Variants in P2RX4 observed in about 807,000 individuals in gnomAD.
The protein encoded by P2RX4 is purinergic receptor P2X 4, also known as P2X purinoceptor 4.
P2RX4 carries 37 observed loss-of-function variants against 48.0 expected under a neutral mutation model. The observed-to-expected ratio is 0.77, with a 90% CI of 0.59 to 1.01. The LOEUF (loss-of-function observed/expected upper bound fraction) is 1.01. Among genes scored for constraint, P2RX4 ranks in the 50% least tolerant of loss-of-function variants. The probability of loss-of-function intolerance (pLI) is 0.00; values close to 1 mark genes in which losing one functional copy is unlikely to be tolerated. For missense variants in P2RX4, 501 were observed against 521.4 expected (o/e 0.96, Z 0.38); for synonymous variants, 200 against 199.7 (o/e 1.00, Z -0.01).
intron 1 of P2RX4, chr12:121,213,761 A>AT (rs1263565690): frequency 1.3e-5 from 2 of 152,242 alleles, no homozygotes; most frequent in South Asian, 2.1e-4. Context: ...TGAGGTTTCC[A>AT]TGTTGCCCAG....
rs11615910 is a variant in P2RX4 at position 121,232,229 on chromosome 12, C to T, written c.885-185C>T. The T allele has an allele frequency of 2.2e-3, 1,361 of 606,022 alleles. 2 individuals are homozygous for T. The highest frequency in any genetic ancestry group is 3.9e-3 in the Middle Eastern group (9 of 2,290). The allele number at this position is 606,022 out of a possible 1,614,324, so 37.5% of individuals were successfully genotyped here. A position where few individuals can be genotyped will look rare whatever the true frequency, so the allele number is the denominator to read the frequency against. On this transcript the variant is annotated intron_variant, in intron 8 of 11. Transcript: ENST00000337233. This position sits in a 1 kb window ranked among gnomAD's most constrained non-coding sequence, Gnocchi z 4.3. ...GAGGTCTCCCTGTGCCCCTGTACCT[C>T]GTGGGCCCCGCATCCTCCTGCTTGC...
At chr12:121,212,389 ACACAAGACCAGCCTG>A in intron 1 of P2RX4, among the ~76,000 whole-genome samples, 1 of 64,762 alleles carries the variant, frequency 1.5e-5, no homozygotes, top group Non-Finnish European at 3.2e-5. Context: ...ACCAGCCTGG[ACACAAGACCAGCCTG>A]GACAACATAG....
At position 121,233,694 on chromosome 12, in the gene P2RX4, C is replaced by T; in HGVS notation, c.*145C>T. On this transcript the variant is annotated 3_prime_UTR_variant, in exon 12 of 12. Coordinates refer to ENST00000337233, the MANE Select transcript of P2RX4 (RefSeq NM_002560.3). The stretch of plus-strand genomic sequence containing the variant: ...ACAAGCACTCAGGGTTCCCCAGCAG[C>T]TCCTGTGTGTTGTGTGCAGGATCTG... 2.6e-6 allele frequency: 4 copies of T among 1,524,348 alleles called. No homozygotes were observed. The highest frequency in any genetic ancestry group is 4.9e-5 in the East Asian group (2 of 40,654). The allele number at this position is 1,524,348 out of a possible 1,614,324, so 94.4% of individuals were successfully genotyped here. A position where few individuals can be genotyped will look rare whatever the true frequency, so the allele number is the denominator to read the frequency against.
intron 1 of P2RX4, 65 bp downstream of exon 1, chr12:121,210,363 T>C: frequency 2.9e-6 from 4 of 1,385,034 alleles, no homozygotes; most frequent in Non-Finnish European, 2.8e-6. Context: ...GTGCGGCGGC[T>C]CATCCTGGCC....
rs1887185312 is a variant in P2RX4, at chr12:121,229,095, T to C, written c.880T>C (p.Phe294Leu). Residue 294 changes from phenylalanine (F) to leucine (L), a missense_variant, in exon 8 of 12, where the codon TTC becomes CTC. Around this residue, in one of 3 missense-constraint regions of P2RX4, gnomAD observed 197 missense variants for 219.5 expected, o/e 0.90. Transcript: ENST00000337233. This position sits in a 1 kb window ranked among gnomAD's most constrained non-coding sequence, Gnocchi z 4.6. ...GCACAACGTATCTCCTGGCTACAAT[T>C]TCAGGTGGGCGTGAGCTTGGGCCCC... ...VEHNVSPGYN[F>L]RFAKYYRDLA... 1 of 1,613,998 alleles carries C rather than the reference T, an allele frequency of 6.2e-7. No homozygotes were observed. Among genetic ancestry groups the C allele is most frequent in the Middle Eastern group, 1.6e-4 (1 of 6,062 alleles).
rs745699634 is a variant in P2RX4, at chr12:121,229,720, C to A, written c.884+621C>A. Among the ~76,000 whole-genome samples the A allele has an allele frequency of 6.6e-6, 1 of 152,142 alleles. No individual in the cohort carries two copies. Among genetic ancestry groups the A allele is most frequent in the East Asian group, 1.9e-4 (1 of 5,202 alleles). ...ATCCAGGCATCAGCAGGGCTGTGCT[C>A]GCTCTGAAGGCTCTGGAGAGAGTCC... On this transcript the variant is annotated intron_variant, in intron 8 of 11. Coordinates refer to ENST00000337233, the MANE Select transcript of P2RX4 (RefSeq NM_002560.3). The surrounding 1 kb of genome is among the most constrained non-coding windows in gnomAD (Gnocchi z 4.6).
intron 11 of P2RX4, 89 bp from the exon 12 acceptor site, chr12:121,233,434 T>A: frequency 7.1e-7 from 1 of 1,415,496 alleles, no homozygotes; most frequent in East Asian, 2.4e-5. Flanking sequence ...TGAGAACCCC[T>A]GGCGGTGAAG....
chr12:121,211,388 G>C (rs1328982834), intron 1 of P2RX4, among the ~76,000 whole-genome samples: 1 of 152,028 alleles, frequency 6.6e-6, no homozygotes, highest in African/African-American at 2.4e-5. Context: ...TTTTTTAGTA[G>C]AGACGGGGTT....
At chr12:121,233,209 G>A in intron 11 of P2RX4, 117 bp downstream of exon 11, 1 of 739,900 alleles carries the variant, frequency 1.4e-6, no homozygotes. Context: ...GTGTGGCGTG[G>A]TGTCCCCGTT....
At chr12:121,215,189 C>T (rs1886144859) in intron 1 of P2RX4, 1 of 152,168 alleles carries the variant, frequency 6.6e-6, no homozygotes, top group Admixed American at 6.6e-5. Flanking sequence ...TCCACGGTGT[C>T]AGTACTTGCT....
intron 1 of P2RX4, chr12:121,215,328 A>G (rs1466257134): frequency 2.6e-5 from 4 of 152,144 alleles, no homozygotes; most frequent in Admixed American, 6.6e-5. Flanking sequence ...CTGAGGCACA[A>G]TGAGGTTAAG....
At chr12:121,223,967 C>G (rs1886818952) in intron 5 of P2RX4, among the ~76,000 whole-genome samples, 1 of 152,214 alleles carries the variant, frequency 6.6e-6, no homozygotes, top group South Asian at 2.1e-4. Flanking sequence ...CTCGCAGGAC[C>G]CACAGCATAG....
chr12:121,232,752 GC>G lies in P2RX4; in HGVS notation c.1044+79del. On this transcript the variant is annotated intron_variant, in intron 10 of 11. Coordinates refer to ENST00000337233, the MANE Select transcript of P2RX4 (RefSeq NM_002560.3). The surrounding 1 kb of genome is among the most constrained non-coding windows in gnomAD (Gnocchi z 4.3). ...GCTGGGGTCCTGGTCCTGGCCCTAG[GC>G]CCTAGACCTCAGATGTGTTTCTAAA... The G allele has an allele frequency of 8.1e-7, 1 of 1,241,836 alleles. No individual in the cohort carries two copies. The highest frequency in any genetic ancestry group is 1.2e-5 in the South Asian group (1 of 83,610). The allele number at this position is 1,241,836 out of a possible 1,614,324, so 76.9% of individuals were successfully genotyped here.
intron 1 of P2RX4, 132 bp downstream of exon 1, chr12:121,210,430 GC>G: frequency 2.3e-6 from 2 of 888,246 alleles, no homozygotes; most frequent in Non-Finnish European, 3.0e-6. Context: ...CCTTCCCTGG[GC>G]CCCAGCCGCC....
chr12:121,233,311 C>A, intron 11 of P2RX4: 1 of 641,064 alleles, frequency 1.6e-6, no homozygotes, highest in Non-Finnish European at 2.8e-6. Context: ...TTTCAATGAG[C>A]GACATCTCAG....
At chr12:121,226,293 C>T (rs937912996) in intron 5 of P2RX4, among the ~76,000 whole-genome samples, 1 of 152,064 alleles carries the variant, frequency 6.6e-6, no homozygotes, top group African/African-American at 2.4e-5. Flanking sequence ...CCTATAATCC[C>T]AGCACTTTGG....
chr12:121,217,312 AC>A (rs755897340), intron 2 of P2RX4, 31 bp downstream of exon 2: 1 of 1,605,558 alleles, frequency 6.2e-7, no homozygotes, highest in East Asian at 2.2e-5. Context: ...TCTGTCTAAC[AC>A]TGACACCTTG....
chr12:121,212,816 A>ATTTTTTTTTT (rs1266371217), intron 1 of P2RX4: 4 of 32,754 alleles, frequency 1.2e-4, no homozygotes, highest in African/African-American at 5.8e-4. Context: ...ATATATATAT[A>ATTTTTTTTTT]TATATATATT....
At chr12:121,216,015 C>T (rs1365551803) in intron 1 of P2RX4, 1 of 144,824 alleles carries the variant, frequency 6.9e-6, no homozygotes, top group African/African-American at 2.6e-5. Flanking sequence ...TTTTGGCTTT[C>T]GTGGGCCACA....
Sources: gnomAD v4.1 joint callset for allele counts (sites outside exome capture counted in the v4.1 genomes callset) on GRCh38, gnomAD v4.1.1 for gene constraint, gnomAD v4.1.1 regional missense constraint, Gnocchi (gnomAD v3.1) non-coding constraint, MANE v1.5 for transcripts, NCBI Gene and HGNC (gene_info 2026-07-23, HGNC 2026-07-21) for gene names.